The following PLCL1 variants were observed in gnomAD, a reference collection of about 807,000 sequenced individuals.
The protein encoded by PLCL1 is phospholipase C like 1 (inactive).
Under a neutral mutation model 84.4 loss-of-function variants are expected in PLCL1, and 41 were observed. The observed-to-expected ratio is 0.49, with a 90% CI of 0.38 to 0.63. The LOEUF is 0.63. Ranked by LOEUF, PLCL1 falls within the 30% of genes least tolerant of loss-of-function variation. The pLI, the probability that PLCL1 is intolerant of heterozygous loss-of-function variation, is 0.00. For missense variants in PLCL1, 1,206 were observed against 1,367.8 expected (o/e 0.88, Z 1.87); for synonymous variants, 490 against 488.3 (o/e 1.00, Z -0.05).
intron 1 of PLCL1, among the ~76,000 whole-genome samples, chr2:197,949,267 G>T (rs140535989): frequency 1.3e-3 from 203 of 152,282 alleles, no homozygotes; most frequent in African/African-American, 4.3e-3. Flanking sequence ...GATCAGAGAG[G>T]CTGCTGAGAA....
intron 1 of PLCL1, among the ~76,000 whole-genome samples, chr2:197,885,544 G>A (rs1326013464): frequency 6.6e-6 from 1 of 152,238 alleles, no homozygotes; most frequent in Middle Eastern, 3.4e-3. Context: ...AATCTCATCC[G>A]GAAACCCTCA....
chr2:198,063,182 A>C (rs1692244730), intron 1 of PLCL1, among the ~76,000 whole-genome samples: 1 of 145,690 alleles, frequency 6.9e-6, no homozygotes, highest in Non-Finnish European at 1.5e-5. Flanking sequence ...TTTCCTCTTT[A>C]TTTTCAATTT....
chr2:198,002,893 G>A (rs1690636254), intron 1 of PLCL1, among the ~76,000 whole-genome samples: 1 of 152,078 alleles, frequency 6.6e-6, no homozygotes. Flanking sequence ...CATGCACTTT[G>A]TTAAACATTT....
chr2:197,942,754 G>A (rs1689185382), intron 1 of PLCL1, among the ~76,000 whole-genome samples: 3 of 152,164 alleles, frequency 2.0e-5, no homozygotes, highest in African/African-American at 7.2e-5. Context: ...TCCTTGATGT[G>A]TTCATCACAG....
chr2:198,057,445 A>C (rs1383050470), intron 1 of PLCL1, among the ~76,000 whole-genome samples: 1 of 152,106 alleles, frequency 6.6e-6, no homozygotes, highest in Non-Finnish European at 1.5e-5. Flanking sequence ...GTACACCTTT[A>C]AGGCAGGTAT....
chr2:197,819,884 A>ATGTGTGTGTGTG (rs57885218), intron 1 of PLCL1, among the ~76,000 whole-genome samples: 2 of 140,572 alleles, frequency 1.4e-5, no homozygotes, highest in African/African-American at 2.6e-5. Flanking sequence ...ACTATTATGC[A>ATGTGTGTGTGTG]TGTGTGTGTG....
chr2:198,047,376 G>T (rs1691831986), intron 1 of PLCL1, among the ~76,000 whole-genome samples: 3 of 152,070 alleles, frequency 2.0e-5, no homozygotes, highest in Non-Finnish European at 4.4e-5. Flanking sequence ...TAGAGATGGG[G>T]TTTCATCACG....
chr2:197,939,738 T>C (rs79897085), intron 1 of PLCL1, among the ~76,000 whole-genome samples: 1 of 148,308 alleles, frequency 6.7e-6, no homozygotes, highest in African/African-American at 2.6e-5. Context: ...TTTTTTTTTT[T>C]GGCAGAGGAG....
intron 1 of PLCL1, among the ~76,000 whole-genome samples, chr2:197,893,346 T>C (rs1688067624): frequency 1.3e-5 from 2 of 152,228 alleles, no homozygotes; most frequent in African/African-American, 2.4e-5. Context: ...TCTTGTGTAG[T>C]GTTCTTGAGT....
Position 198,144,850 on chromosome 2 carries a change from A to G in PLCL1, c.3106-1930A>G, listed in dbSNP as rs1403171285. 2.0e-5 allele frequency among the ~76,000 whole-genome samples: 3 copies of G among 152,122 alleles called. No homozygotes were observed. The East Asian group carries it at 5.8e-4, about 29-fold the overall frequency. On this transcript the variant is annotated intron_variant, in intron 5 of 5. Transcript: ENST00000428675. ...TAGGAGTCTCTAGGGTGCCCTGCAGAGAGTGCCTGCTTTGCTGTTAAAAGA... is the reference window on the plus strand; with the variant it reads ...TAGGAGTCTCTAGGGTGCCCTGCAGGGAGTGCCTGCTTTGCTGTTAAAAGA...
chr2:197,942,931 G>A lies in PLCL1; in HGVS notation c.240+137592G>A, dbSNP rs564125527. Reference sequence around the variant, plus strand: ...CCCTTATAATAGAATATCAAGCCAGGTGTAGTGGCTAACACCTGCAATCCC... The same window carrying A: ...CCCTTATAATAGAATATCAAGCCAGATGTAGTGGCTAACACCTGCAATCCC... On this transcript the variant is annotated intron_variant, in intron 1 of 5. Coordinates refer to ENST00000428675, the MANE Select transcript of PLCL1 (RefSeq NM_006226.4). Among the ~76,000 whole-genome samples, 15 of 152,238 alleles carry A rather than the reference G, an allele frequency of 9.9e-5. No individual in the cohort carries two copies. In the East Asian group the frequency reaches 2.9e-3, roughly 29 times the overall value.
chr2:198,134,239 TCTTGACTTTC>T (rs1260095955), intron 5 of PLCL1, among the ~76,000 whole-genome samples: 2 of 152,010 alleles, frequency 1.3e-5, no homozygotes, highest in Non-Finnish European at 2.9e-5. Context: ...AGAAAATAGG[TCTTGACTTTC>T]CTTGCAGTAA....
intron 1 of PLCL1, among the ~76,000 whole-genome samples, chr2:197,980,582 T>C (rs781633349): frequency 6.6e-6 from 1 of 152,188 alleles, no homozygotes; most frequent in African/African-American, 2.4e-5. Context: ...GTCTTACTCA[T>C]GGGTGAGAGA....
intron 1 of PLCL1, among the ~76,000 whole-genome samples, chr2:198,072,852 A>G (rs1045072353): frequency 6.6e-6 from 1 of 152,130 alleles, no homozygotes; most frequent in African/African-American, 2.4e-5. Flanking sequence ...TATTTCTTTA[A>G]TACATTGCCA....
chr2:197,814,276 T>C (rs1369143188), intron 1 of PLCL1, among the ~76,000 whole-genome samples: 3 of 152,238 alleles, frequency 2.0e-5, no homozygotes, highest in Non-Finnish European at 4.4e-5. Context: ...TGTCTCTGTG[T>C]CACATTTTGG....
chr2:198,070,237 T>C lies in PLCL1; in HGVS notation c.241-13521T>C, dbSNP rs572715765. The stretch of plus-strand genomic sequence containing the variant: ...GATATACTTAAATCCTAATTCAATA[T>C]AGCAGATTTGAATCTTATTATCAGT... On this transcript the variant is annotated intron_variant, in intron 1 of 5. Coordinates refer to ENST00000428675, the MANE Select transcript of PLCL1 (RefSeq NM_006226.4). 1.6e-4 allele frequency among the ~76,000 whole-genome samples: 24 copies of C among 152,280 alleles called. 1 individual carries two copies. The South Asian group carries it at 5.0e-3, about 32-fold the overall frequency.
intron 1 of PLCL1, among the ~76,000 whole-genome samples, chr2:197,865,124 G>A (rs1687504668): frequency 6.6e-6 from 1 of 152,170 alleles, no homozygotes; most frequent in Non-Finnish European, 1.5e-5. Context: ...GGTACAGCAA[G>A]ATAAGTGACC....
At chr2:197,890,977 GAT>G (rs1688016342) in intron 1 of PLCL1, among the ~76,000 whole-genome samples, 1 of 150,806 alleles carries the variant, frequency 6.6e-6, no homozygotes, top group South Asian at 2.1e-4. Flanking sequence ...TATTCCACTG[GAT>G]GGTTGTACTG....
In PLCL1 at chr2:198,084,606, T is replaced by C. The variant is rs781074423; in HGVS notation, c.1089T>C (p.Ser363=). The C allele has an allele frequency of 3.8e-5, 62 of 1,613,992 alleles. No homozygotes were observed. The highest frequency in any genetic ancestry group is 4.8e-5 in the Non-Finnish European group (57 of 1,179,940). ...CLDIIRRYEL[S]EEGRQKGFLA... ...ACATCATAAGGAGATACGAACTTTCTGAAGAGGGACGTCAAAAAGGGTTTC... is the reference window on the plus strand; with the variant it reads ...ACATCATAAGGAGATACGAACTTTCCGAAGAGGGACGTCAAAAAGGGTTTC... The change falls in exon 2 of 6, where the codon TCT becomes TCC. Residue 363 remains serine (S), a synonymous_variant. Coordinates refer to ENST00000428675, the MANE Select transcript of PLCL1 (RefSeq NM_006226.4).
Sources: gnomAD v4.1 joint callset for allele counts (sites outside exome capture counted in the v4.1 genomes callset) on GRCh38, gnomAD v4.1.1 for gene constraint, MANE v1.5 for transcripts, NCBI Gene and HGNC (gene_info 2026-07-23, HGNC 2026-07-21) for gene names.